The following RFX2 variants were observed in gnomAD, a reference collection of about 807,000 sequenced individuals.
RFX2 encodes the protein DNA-binding protein RFX2.
RFX2 carries 20 observed loss-of-function variants against 87.8 expected under a neutral mutation model. The ratio of observed to expected loss-of-function variants is 0.23; its 90% CI spans 0.16 to 0.33. RFX2 has a LOEUF of 0.33. Among genes scored for constraint, RFX2 ranks in the 10% least tolerant of loss-of-function variants. The pLI, the probability that RFX2 is intolerant of heterozygous loss-of-function variation, is 1.00. For synonymous variants in RFX2, 397 were observed against 431.3 expected (o/e 0.92, Z 0.98); for missense variants, 767 against 1,012.3 (o/e 0.76, Z 3.29).
rs2086559574 is a variant in RFX2, at chr19:6,004,973, T to G, written c.1403-675A>C. 6.6e-6 allele frequency among the ~76,000 whole-genome samples: 1 copy of G among 151,624 alleles called. No individual in the cohort carries two copies. Among genetic ancestry groups the G allele is most frequent in the South Asian group, 2.1e-4 (1 of 4,812 alleles). ...ATCTCTACTAAAAATACAAAAATGA[T>G]CTGGACGTGGCGGTGGGTGCCTGTA... On this transcript the variant is annotated intron_variant, in intron 12 of 17. Transcript: ENST00000303657. This position sits in a 1 kb window ranked among gnomAD's most constrained non-coding sequence, Gnocchi z 4.8.
intron 13 of RFX2, among the ~76,000 whole-genome samples, chr19:6,003,559 C>T (rs939570531): frequency 2.0e-4 from 30 of 151,898 alleles, no homozygotes; most frequent in African/African-American, 7.0e-4. Flanking sequence ...GGTGGATCGC[C>T]TGAGGTCAGG....
At chr19:6,015,631 G>A (rs891046702) in intron 7 of RFX2, among the ~76,000 whole-genome samples, 1 of 151,874 alleles carries the variant, frequency 6.6e-6, no homozygotes, top group African/African-American at 2.4e-5. Context: ...TGAAATTACA[G>A]GTGTGCAAAT....
chr19:6,047,440 CGAG>C lies in RFX2; in HGVS notation c.54_56del (p.Ser19del). ...AGGCTGGCACAGGCGGGGCTGCCGC[CGAG>C]GGACGCAGAGCCACGGACGCTGGCG... On this transcript the variant is annotated inframe_deletion, in exon 2 of 18. Coordinates refer to ENST00000303657, the MANE Select transcript of RFX2 (RefSeq NM_000635.4). The surrounding 1 kb of genome is among the most constrained non-coding windows in gnomAD (Gnocchi z 4.2). The C allele has an allele frequency of 6.2e-7, 1 of 1,602,658 alleles. No individual in the cohort carries two copies. Among genetic ancestry groups the C allele is most frequent in the South Asian group, 1.1e-5 (1 of 89,566 alleles).
At chr19:6,086,210 T>C (rs1245363483) in intron 1 of RFX2, among the ~76,000 whole-genome samples, 1 of 152,128 alleles carries the variant, frequency 6.6e-6, no homozygotes, top group Non-Finnish European at 1.5e-5. Flanking sequence ...TCGAATGATC[T>C]TGGCACCCTT....
intron 5 of RFX2, among the ~76,000 whole-genome samples, chr19:6,028,700 C>G (rs2086919449): frequency 6.6e-6 from 1 of 151,474 alleles, no homozygotes; most frequent in South Asian, 2.1e-4. Context: ...ACAGGTGAAC[C>G]CTTAATTAAA....
rs1167634678 is a variant in RFX2, at chr19:6,083,820, T to C, written c.-9+26573A>G. Among the ~76,000 whole-genome samples the C allele has an allele frequency of 2.6e-5, 4 of 152,124 alleles. No homozygotes were observed. The highest frequency in any genetic ancestry group is 9.7e-5 in the African/African-American group (4 of 41,416). ...ATCTTGGATGGCCTTTGGGGGAACA[T>C]GTCTTACTCATAATTATAGGCAGCG... On this transcript the variant is annotated intron_variant, in intron 1 of 17. Coordinates refer to ENST00000303657, the MANE Select transcript of RFX2 (RefSeq NM_000635.4). This position sits in a 1 kb window ranked among gnomAD's most constrained non-coding sequence, Gnocchi z 4.6.
chr19:6,012,846 T>G lies in RFX2; in HGVS notation c.899+140A>C. The stretch of plus-strand genomic sequence containing the variant: ...GTCTCCTGCTAGACTCACCTCAGTC[T>G]CAGCAGAGGGGGATACCTTGGCTTT... On this transcript the variant is annotated intron_variant, in intron 8 of 17. Transcript: ENST00000303657. The surrounding 1 kb of genome is among the most constrained non-coding windows in gnomAD (Gnocchi z 4.6). 1 of 799,962 alleles carries G rather than the reference T, an allele frequency of 1.3e-6. No individual in the cohort carries two copies. The highest frequency in any genetic ancestry group is 1.8e-6 in the Non-Finnish European group (1 of 563,482). The allele number at this position is 799,962 out of a possible 1,614,324, so 49.6% of individuals were successfully genotyped here.
chr19:6,026,029 C>T lies in RFX2; in HGVS notation c.597+134G>A, dbSNP rs1402378443. 1 of 685,956 alleles carries T rather than the reference C, an allele frequency of 1.5e-6. No homozygotes were observed. Among genetic ancestry groups the T allele is most frequent in the East Asian group, 2.7e-5 (1 of 36,472 alleles). 42.5% of individuals were successfully genotyped at this position (685,956 alleles called of 1,614,324 possible). A position where few individuals can be genotyped will look rare whatever the true frequency, so the allele number is the denominator to read the frequency against. On this transcript the variant is annotated intron_variant, in intron 6 of 17. Transcript: ENST00000303657. This position sits in a 1 kb window ranked among gnomAD's most constrained non-coding sequence, Gnocchi z 4.5. ...CAAACTCCTGACTTCAAGTGATCCA[C>T]CCGCCTTGGCCTCCCAAAGTGCTGG... is the stretch of plus-strand genomic sequence containing the variant.
Position 6,007,672 on chromosome 19 carries a change from C to T in RFX2, c.1247+18G>A, listed in dbSNP as rs201833561. 470 of 1,496,148 alleles carry T rather than the reference C, an allele frequency of 3.1e-4. 5 individuals carry two copies. In the East Asian group the frequency reaches 0.01, roughly 32 times the overall value. The allele number at this position is 1,496,148 out of a possible 1,614,324, so 92.7% of individuals were successfully genotyped here. ...AAGTCTGGGGTGGCTGTGAACCCAG[C>T]CAGGGTGTGGCAGTCACCTGGCAGG... On this transcript the variant is annotated intron_variant, in intron 11 of 17. Coordinates refer to ENST00000303657, the MANE Select transcript of RFX2 (RefSeq NM_000635.4). The surrounding 1 kb of genome is among the most constrained non-coding windows in gnomAD (Gnocchi z 8.2).
In RFX2 at chr19:6,007,424, A is replaced by G. The variant is rs1256845181; in HGVS notation, c.1248-258T>C. ...TGTCATACTGCGTCTCACTGCAGCT[A>G]TGGGTTGGGGTCACTTCTACTTGGG... is the stretch of plus-strand genomic sequence containing the variant. On this transcript the variant is annotated intron_variant, in intron 11 of 17. Transcript: ENST00000303657. This position sits in a 1 kb window ranked among gnomAD's most constrained non-coding sequence, Gnocchi z 8.2. 1.3e-5 allele frequency among the ~76,000 whole-genome samples: 2 copies of G among 152,046 alleles called. No individual in the cohort carries two copies. Among genetic ancestry groups the G allele is most frequent in the Non-Finnish European group, 2.9e-5 (2 of 68,018 alleles).
chr19:6,030,780 A>G (rs2086944444), intron 5 of RFX2, among the ~76,000 whole-genome samples: 1 of 152,250 alleles, frequency 6.6e-6, no homozygotes, highest in Admixed American at 6.5e-5. Flanking sequence ...AAATATACAT[A>G]TAACTAATTT....
At chr19:6,077,182 C>A (rs983094569) in intron 1 of RFX2, 8 of 152,230 alleles carry the variant, frequency 5.3e-5, no homozygotes, top group African/African-American at 1.7e-4. Context: ...AGCCAGCAAG[C>A]TTCCTTAAAT....
At chr19:6,100,835 A>AT (rs200954323) in intron 1 of RFX2, among the ~76,000 whole-genome samples, 3,438 of 151,970 alleles carry the variant, frequency 0.023, 142 homozygotes, top group African/African-American at 0.079. Context: ...ATATTGATTT[A>AT]ATTGAATTAA....
intron 1 of RFX2, among the ~76,000 whole-genome samples, chr19:6,051,222 C>T (rs575075029): frequency 7.6e-4 from 115 of 151,954 alleles, no homozygotes; most frequent in African/African-American, 2.3e-3. Context: ...ATGATAAATA[C>T]GCAGGTAATT....
rs1210026740 is a variant in RFX2, at chr19:6,101,924, G to A, written c.-9+8469C>T. On this transcript the variant is annotated intron_variant, in intron 1 of 17. Transcript: ENST00000303657. This position sits in a 1 kb window ranked among gnomAD's most constrained non-coding sequence, Gnocchi z 4.9. ...TGGATGAATGGGGAAACACAATGTG[G>A]CATATCCATGCAATGGAATATTCTT... Among the ~76,000 whole-genome samples, 1 of 152,204 alleles carries A rather than the reference G, an allele frequency of 6.6e-6. No individual in the cohort carries two copies. Among genetic ancestry groups the A allele is most frequent in the Admixed American group, 6.5e-5 (1 of 15,278 alleles).
rs758031489 is a variant in RFX2 at position 6,001,090 on chromosome 19, G to A, written c.1859+725C>T. Among the ~76,000 whole-genome samples the A allele has an allele frequency of 6.6e-6, 1 of 152,186 alleles. No homozygotes were observed. The highest frequency in any genetic ancestry group is 2.4e-5 in the African/African-American group (1 of 41,448). ...AGCTTGGAAATGATTTCCCTTCAGA[G>A]CTCTCAGGACATCGCTCTACTGCCT... On this transcript the variant is annotated intron_variant, in intron 15 of 17. Transcript: ENST00000303657. The surrounding 1 kb of genome is among the most constrained non-coding windows in gnomAD (Gnocchi z 5.6).
Position 6,042,139 on chromosome 19 carries a change from C to T in RFX2, c.181-16G>A, listed in dbSNP as rs770909356. 2.7e-5 allele frequency: 44 copies of T among 1,611,940 alleles called. No homozygotes were observed. The highest frequency in any genetic ancestry group is 2.1e-4 in the South Asian group (19 of 91,072). ...CCGGCTGCACCTGAAACATCGGATACGCTGCGTTACCGCCAGTCACGCCCT... is the reference window on the plus strand; with the variant it reads ...CCGGCTGCACCTGAAACATCGGATATGCTGCGTTACCGCCAGTCACGCCCT... On this transcript the variant is annotated splice_polypyrimidine_tract_variant and intron_variant, in intron 3 of 17. Coordinates refer to ENST00000303657, the MANE Select transcript of RFX2 (RefSeq NM_000635.4).
intron 1 of RFX2, among the ~76,000 whole-genome samples, chr19:6,077,614 C>A (rs992588133): frequency 1.3e-5 from 2 of 152,198 alleles, no homozygotes; most frequent in Non-Finnish European, 2.9e-5. Flanking sequence ...TGCTTGGATA[C>A]CAATGTTCAC....
chr19:6,091,532 C>G (rs2087935375), intron 1 of RFX2, among the ~76,000 whole-genome samples: 1 of 151,816 alleles, frequency 6.6e-6, no homozygotes, highest in African/African-American at 2.4e-5. Flanking sequence ...AAATGCCAGC[C>G]ACGAAGAGAA....
Sources: gnomAD v4.1 joint callset for allele counts (sites outside exome capture counted in the v4.1 genomes callset) on GRCh38, gnomAD v4.1.1 for gene constraint, Gnocchi (gnomAD v3.1) non-coding constraint, MANE v1.5 for transcripts, NCBI Gene and HGNC (gene_info 2026-07-23, HGNC 2026-07-21) for gene names.